Variants in WWOX observed in about 807,000 individuals in gnomAD.
The protein encoded by WWOX is WW domain containing oxidoreductase, also known as WW domain-containing oxidoreductase.
Under a neutral mutation model 46.2 loss-of-function variants are expected in WWOX, and 69 were observed. That is an observed-to-expected ratio of 1.49 (90% CI 1.23 to 1.82). WWOX has a LOEUF of 1.82. WWOX is among the 40% of genes most tolerant of loss of function. The pLI is 0.00. For missense variants in WWOX, 919 were observed against 542.6 expected (o/e 1.69, Z -6.89); for synonymous variants, 359 against 202.6 (o/e 1.77, Z -6.56).
chr16:78,140,433 T>G (rs2033946876), intron 4 of WWOX, among the ~76,000 whole-genome samples: 1 of 152,092 alleles, frequency 6.6e-6, no homozygotes, highest in Admixed American at 6.5e-5. Flanking sequence ...CAACAGAAAT[T>G]TATTGTTTCC....
intron 5 of WWOX, among the ~76,000 whole-genome samples, chr16:78,286,946 A>G (rs2079777633): frequency 1.3e-5 from 2 of 152,110 alleles, no homozygotes; most frequent in African/African-American, 4.8e-5. Context: ...TTCTGTTTTT[A>G]GTTAGAAAGT....
chr16:78,872,179 G>A (rs1038940987), intron 8 of WWOX, among the ~76,000 whole-genome samples: 12 of 152,172 alleles, frequency 7.9e-5, no homozygotes, highest in African/African-American at 2.9e-4. Context: ...ATGTCTAACA[G>A]TGCAACCCAT....
chr16:78,862,929 T>C (rs1349550115), intron 8 of WWOX, among the ~76,000 whole-genome samples: 12 of 151,652 alleles, frequency 7.9e-5, no homozygotes, highest in African/African-American at 2.7e-4. Flanking sequence ...AGTGGACACA[T>C]ACAATTAGAC....
intron 8 of WWOX, among the ~76,000 whole-genome samples, chr16:78,877,561 G>C (rs954416903): frequency 2.0e-5 from 3 of 152,172 alleles, no homozygotes; most frequent in Admixed American, 6.5e-5. Flanking sequence ...TCCTTTTCCT[G>C]CTTTGTATTC....
At chr16:78,797,962 T>A (rs2050787950) in intron 8 of WWOX, among the ~76,000 whole-genome samples, 1 of 152,186 alleles carries the variant, frequency 6.6e-6, no homozygotes, top group African/African-American at 2.4e-5. Context: ...CCCTCAACCC[T>A]GGGTGACAGG....
intron 8 of WWOX, among the ~76,000 whole-genome samples, chr16:78,578,710 A>G (rs1567657785): frequency 6.6e-6 from 1 of 152,182 alleles, no homozygotes. Flanking sequence ...GGTCATTTGG[A>G]AAAAGATCAA....
intron 8 of WWOX, among the ~76,000 whole-genome samples, chr16:78,681,891 C>T (rs922729422): frequency 2.0e-5 from 3 of 152,164 alleles, no homozygotes; most frequent in African/African-American, 7.2e-5. Context: ...TCGGGCCCCA[C>T]CCCGCAGAGC....
At chr16:79,119,977 C>G (rs62038839) in intron 8 of WWOX, among the ~76,000 whole-genome samples, 8,836 of 152,232 alleles carry the variant, frequency 0.058, 315 homozygotes, top group African/African-American at 0.088. Context: ...CTCCACTTTC[C>G]TACAGTCCAG....
chr16:79,155,541 C>T (rs1004523493), intron 8 of WWOX, among the ~76,000 whole-genome samples: 2 of 150,924 alleles, frequency 1.3e-5, no homozygotes, highest in Non-Finnish European at 2.9e-5. Flanking sequence ...CATAAAAAAA[C>T]AGCAGGAAAA....
chr16:78,923,106 C>T lies in WWOX; in HGVS notation c.1057-288502C>T, dbSNP rs140102060. On this transcript the variant is annotated intron_variant, in intron 8 of 8. Transcript: ENST00000566780. ...AAGTGATTCTCCTGCCTCAGCCTTG[C>T]GAGTAGCTGGGATTACAGGGATGTG... 4.9e-3 allele frequency among the ~76,000 whole-genome samples: 734 copies of T among 151,318 alleles called. 7 individuals carry two copies. The highest frequency in any genetic ancestry group is 0.017 in the African/African-American group (688 of 41,030).
intron 8 of WWOX, among the ~76,000 whole-genome samples, chr16:79,163,428 C>T (rs576868569): frequency 6.6e-6 from 1 of 152,244 alleles, no homozygotes; most frequent in East Asian, 1.9e-4. Flanking sequence ...TTACTCTGAG[C>T]TCTATAAGAG....
At chr16:79,189,822 T>A (rs989612499) in intron 8 of WWOX, among the ~76,000 whole-genome samples, 28 of 151,052 alleles carry the variant, frequency 1.9e-4, no homozygotes, top group Non-Finnish European at 2.7e-4. Context: ...TTATTTGGCA[T>A]CTTGCAATTG....
chr16:78,529,260 C>T (rs142099757), intron 8 of WWOX, among the ~76,000 whole-genome samples: 1 of 152,116 alleles, frequency 6.6e-6, no homozygotes, highest in Admixed American at 6.5e-5. Context: ...CGACCAAGAA[C>T]TTTCTATTAT....
rs372256906 is a variant in WWOX, at chr16:78,784,673, C to A, written c.1056+351921C>A. Among the ~76,000 whole-genome samples, 39 of 152,308 alleles carry A rather than the reference C, an allele frequency of 2.6e-4. No individual in the cohort carries two copies. In the East Asian group the frequency reaches 6.0e-3, roughly 23 times the overall value. On this transcript the variant is annotated intron_variant, in intron 8 of 8. Coordinates refer to ENST00000566780, the MANE Select transcript of WWOX (RefSeq NM_016373.4). Reference sequence around the variant, plus strand: ...CATTTGCTAGGCTCACAGTCAGTGTCAGTGGTTCCCAATGTTACTGTTTTA... The same window carrying A: ...CATTTGCTAGGCTCACAGTCAGTGTAAGTGGTTCCCAATGTTACTGTTTTA...
intron 8 of WWOX, among the ~76,000 whole-genome samples, chr16:79,087,882 A>G (rs1420922722): frequency 6.6e-6 from 1 of 152,190 alleles, no homozygotes; most frequent in African/African-American, 2.4e-5. Flanking sequence ...CGGAAAGGAC[A>G]GGATGTGGAA....
At chr16:79,071,876 ATGTCTGG>A in intron 8 of WWOX, among the ~76,000 whole-genome samples, 1 of 152,314 alleles carries the variant, frequency 6.6e-6, no homozygotes, top group African/African-American at 2.4e-5. Context: ...AACCAACTCC[ATGTCTGG>A]TGCACCAGAT....
chr16:78,615,050 C>G lies in WWOX; in HGVS notation c.1056+182298C>G, dbSNP rs143652212. Among the ~76,000 whole-genome samples the G allele has an allele frequency of 4.6e-3, 699 of 152,240 alleles. 6 individuals are homozygous for G. Among genetic ancestry groups the G allele is most frequent in the African/African-American group, 0.016 (661 of 41,530 alleles). ...AGGTAGGGCTAATGCATTGTCAATT[C>G]AGAAATAGGGGGTGTTCCTGAGTCT... is the stretch of plus-strand genomic sequence containing the variant. On this transcript the variant is annotated intron_variant, in intron 8 of 8. Coordinates refer to ENST00000566780, the MANE Select transcript of WWOX (RefSeq NM_016373.4).
chr16:78,671,495 C>A (rs766479512), intron 8 of WWOX, among the ~76,000 whole-genome samples: 2 of 152,138 alleles, frequency 1.3e-5, no homozygotes, highest in African/African-American at 4.8e-5. Context: ...CCTAGGAAAC[C>A]AGTATAGATA....
At chr16:78,925,875 T>A (rs1449335099) in intron 8 of WWOX, among the ~76,000 whole-genome samples, 1 of 152,188 alleles carries the variant, frequency 6.6e-6, no homozygotes, top group East Asian at 1.9e-4. Flanking sequence ...TGGTTTTTCA[T>A]TTGATCCCAC....
Sources: gnomAD v4.1 joint callset for allele counts (sites outside exome capture counted in the v4.1 genomes callset) on GRCh38, gnomAD v4.1.1 for gene constraint, MANE v1.5 for transcripts, NCBI Gene and HGNC (gene_info 2026-07-23, HGNC 2026-07-21) for gene names.